Variants in SYNE1 observed in about 807,000 individuals in gnomAD.
SYNE1 encodes the protein nesprin-1.
In SYNE1, 616 loss-of-function variants were observed where a neutral mutation model predicts 1,111.0. The observed-to-expected ratio is 0.55, with a 90% CI of 0.52 to 0.59. SYNE1 has a LOEUF of 0.59. Among genes scored for constraint, SYNE1 ranks in the 20% least tolerant of loss-of-function variants. The pLI is 0.00. For missense variants in SYNE1, 10,006 were observed against 10,417.0 expected, an observed-to-expected ratio of 0.96 and a Z score of 1.72; for synonymous variants, 3,855 against 3,825.8, an observed-to-expected ratio of 1.01 and a Z score of -0.28.
rs528179428 is a variant in SYNE1, at chr6:152,145,475, T to C, written c.24977-1710A>G. Reference sequence around the variant, plus strand: ...GGAGGGAGGGAGGCTGGCTCCGGCTTGTTGTGCCTACCGGAGGTATTTTTG... The same window carrying C: ...GGAGGGAGGGAGGCTGGCTCCGGCTCGTTGTGCCTACCGGAGGTATTTTTG... On this transcript the variant is annotated intron_variant, in intron 137 of 145. Coordinates refer to ENST00000367255, the MANE Select transcript of SYNE1 (RefSeq NM_182961.4). 1.4e-5 allele frequency: 23 copies of C among 1,613,198 alleles called. No individual in the cohort carries two copies. The highest frequency in any genetic ancestry group is 1.9e-5 in the Non-Finnish European group (23 of 1,179,508).
chr6:152,482,134 T>C (rs887476841), intron 14 of SYNE1, among the ~76,000 whole-genome samples: 4 of 152,132 alleles, frequency 2.6e-5, no homozygotes, highest in Non-Finnish European at 5.9e-5. Context: ...TTTGATGAGC[T>C]TGTCTGAGGT....
At chr6:152,410,678 C>T (rs750818170) in intron 42 of SYNE1, among the ~76,000 whole-genome samples, 2 of 152,114 alleles carry the variant, frequency 1.3e-5, no homozygotes, top group East Asian at 1.9e-4. Context: ...TTGCAGTGAG[C>T]CAAGATCACA....
In SYNE1 at chr6:152,358,474, C is replaced by G; in HGVS notation, c.10507G>C (p.Ala3503Pro). Residue 3503 changes from alanine to proline, a missense_variant, in exon 66 of 146, where the codon GCA becomes CCA. Ala to Pro is a conservative substitution (Grantham distance 27). This residue lies in a region of SYNE1 where 4,955 missense variants were observed against 5,017.2 expected (regional missense o/e 0.99). Coordinates refer to ENST00000367255, the MANE Select transcript of SYNE1 (RefSeq NM_182961.4). ...LHQEYQRDLK[A>P]FEVWLGQEQE... ...TCTTGCCCCAACCAAACTTCAAATG[C>G]CTTTAGGTCTCTCTGATACTCTTGG... 1 of 1,614,098 alleles carries G rather than the reference C, an allele frequency of 6.2e-7. No homozygotes were observed. Among genetic ancestry groups the G allele is most frequent in the Non-Finnish European group, 8.5e-7 (1 of 1,180,022 alleles).
intron 93 of SYNE1, among the ~76,000 whole-genome samples, chr6:152,297,112 C>G (rs187860146): frequency 2.0e-4 from 30 of 152,290 alleles, no homozygotes; most frequent in Admixed American, 1.6e-3. Context: ...CATTCAGGGC[C>G]TCCATGATGT....
At position 152,220,841 on chromosome 6, in the gene SYNE1, C is replaced by T. The variant is rs1365448497; in HGVS notation, c.21861+1G>A. 3.1e-6 allele frequency: 5 copies of T among 1,613,198 alleles called. No individual in the cohort carries two copies. Among genetic ancestry groups the T allele is most frequent in the Admixed American group, 1.7e-5 (1 of 60,024 alleles). On this transcript the variant is annotated splice_donor_variant, in intron 119 of 145. Coordinates refer to ENST00000367255, the MANE Select transcript of SYNE1 (RefSeq NM_182961.4). LOFTEE classifies it high-confidence loss of function. ...GAAAACAAGGTAGCTCCTGAACATA[C>T]GTTGCAATCTTGAATCCATGTGGCA...
chr6:152,328,181 C>A (rs549925797), intron 78 of SYNE1, among the ~76,000 whole-genome samples: 2 of 152,164 alleles, frequency 1.3e-5, no homozygotes, highest in South Asian at 4.1e-4. Flanking sequence ...TTCCTGAGAT[C>A]AAATAGCTGC....
chr6:152,573,278 C>T (rs2099475760), intron 3 of SYNE1, among the ~76,000 whole-genome samples: 1 of 151,082 alleles, frequency 6.6e-6, no homozygotes, highest in Non-Finnish European at 1.5e-5. Flanking sequence ...GTGTGCTGCA[C>T]CCATTAACTC....
chr6:152,180,223 T>C lies in SYNE1; in HGVS notation c.23373A>G (p.Glu7791=), dbSNP rs993468538. ...EWAVFSEKNK[E]LCEWLTQMES... Reference sequence around the variant, plus strand: ...CCATTTGAGTCAACCACTCACAGAGTTCCTTGTTCTTTTCACTGAAGACTG... The same window carrying C: ...CCATTTGAGTCAACCACTCACAGAGCTCCTTGTTCTTTTCACTGAAGACTG... The change falls in exon 129 of 146, where the codon GAA becomes GAG. Residue 7791 remains glutamate, a synonymous_variant. Coordinates refer to ENST00000367255, the MANE Select transcript of SYNE1 (RefSeq NM_182961.4). 11 of 1,613,924 alleles carry C rather than the reference T, an allele frequency of 6.8e-6. No homozygotes were observed. The highest frequency in any genetic ancestry group is 6.7e-5 in the East Asian group (3 of 44,874).
chr6:152,600,650 C>G (rs2099593956), intron 3 of SYNE1, among the ~76,000 whole-genome samples: 1 of 152,166 alleles, frequency 6.6e-6, no homozygotes, highest in South Asian at 2.1e-4. Flanking sequence ...AATCATTTAG[C>G]TCCAATTTTC....
intron 75 of SYNE1, 115 bp from the exon 76 acceptor site, chr6:152,337,132 C>G (rs1394815843): frequency 1.1e-6 from 1 of 911,550 alleles, no homozygotes; most frequent in African/African-American, 1.7e-5. Context: ...CACACATACA[C>G]ACGCAAACTC....
rs187293276 is a variant in SYNE1 at position 152,524,421 on chromosome 6, A to T, written c.225+1659T>A. Among the ~76,000 whole-genome samples, 9 of 152,278 alleles carry T rather than the reference A, an allele frequency of 5.9e-5. No homozygotes were observed. In the East Asian group the frequency reaches 1.5e-3, roughly 26 times the overall value. ...TTCTTGAATACCTACATGAATATTCACATAAAGATTCCTTTAACCTTCAAG... is the reference window on the plus strand; with the variant it reads ...TTCTTGAATACCTACATGAATATTCTCATAAAGATTCCTTTAACCTTCAAG... On this transcript the variant is annotated intron_variant, in intron 5 of 145. Transcript: ENST00000367255.
intron 33 of SYNE1, chr6:152,435,633 AT>A: frequency 4.9e-6 from 2 of 404,986 alleles, no homozygotes; most frequent in Non-Finnish European, 8.7e-6. Flanking sequence ...TATTTTAAAT[AT>A]TAGTTCTTTT....
At chr6:152,367,665 C>G in intron 61 of SYNE1, 3 of 429,376 alleles carry the variant, frequency 7.0e-6, no homozygotes, top group Non-Finnish European at 1.3e-5. Context: ...TCCCTAATGC[C>G]TTGTCTGGGA....
chr6:152,444,580 T>C lies in SYNE1; in HGVS notation c.3670-2A>G, dbSNP rs751267172. ...AAAATTGCTTAGCATCTTTTCAACC[T>C]ATATTTTCATGAAAAAAAAAAACAC... On this transcript the variant is annotated splice_acceptor_variant, in intron 29 of 145. Coordinates refer to ENST00000367255, the MANE Select transcript of SYNE1 (RefSeq NM_182961.4). LOFTEE classifies it high-confidence loss of function. The C allele has an allele frequency of 3.7e-6, 6 of 1,607,078 alleles. No homozygotes were observed. Among genetic ancestry groups the C allele is most frequent in the Non-Finnish European group, 5.1e-6 (6 of 1,177,912 alleles).
chr6:152,288,287 T>C (rs1258005724), intron 95 of SYNE1, among the ~76,000 whole-genome samples: 1 of 152,176 alleles, frequency 6.6e-6, no homozygotes, highest in Non-Finnish European at 1.5e-5. Context: ...TTTCAAACTC[T>C]GTCTCCTCAA....
chr6:152,492,931 C>CT (rs1039183748), intron 11 of SYNE1, among the ~76,000 whole-genome samples: 1 of 98,570 alleles, frequency 1.0e-5, no homozygotes, highest in African/African-American at 3.3e-5. Flanking sequence ...TTTTATGCCT[C>CT]TTTTTTAGTT....
intron 3 of SYNE1, among the ~76,000 whole-genome samples, chr6:152,612,568 G>A (rs796769433): frequency 2.6e-5 from 4 of 152,300 alleles, no homozygotes; most frequent in African/African-American, 9.6e-5. Context: ...TCTACCAGAA[G>A]TACAAAGAGG....
rs2097781229 is a variant in SYNE1 at position 152,399,513 on chromosome 6, C to T, written c.7237+103G>A. 7 of 1,384,172 alleles carry T rather than the reference C, an allele frequency of 5.1e-6. No homozygotes were observed. In the South Asian group the frequency reaches 7.0e-5, roughly 14 times the overall value. 85.7% of individuals were successfully genotyped at this position (1,384,172 alleles called of 1,614,324 possible). On this transcript the variant is annotated intron_variant, in intron 48 of 145. Coordinates refer to ENST00000367255, the MANE Select transcript of SYNE1 (RefSeq NM_182961.4). The stretch of plus-strand genomic sequence containing the variant: ...GCACAAACAAATTTGAAATGACACC[C>T]TGGAAAGTTTCCTCAAACTTTTGCT...
chr6:152,201,853 C>G lies in SYNE1; in HGVS notation c.23116G>C (p.Glu7706Gln), dbSNP rs200066979. Reference sequence around the variant, plus strand: ...CAACGCATTTGTTCTGCATGGAGCTCTTCATGGTGATCCGGGAGAGACTGC... The same window carrying G: ...CAACGCATTTGTTCTGCATGGAGCTGTTCATGGTGATCCGGGAGAGACTGC... ...LSQSLPDHHE[E>Q]LHAEQMRCKE... The change falls in exon 127 of 146, where the codon GAG becomes CAG. Residue 7706 changes from glutamate (E) to glutamine (Q), a missense_variant. By Grantham distance (29) the Glu-to-Gln change is conservative. Coordinates refer to ENST00000367255, the MANE Select transcript of SYNE1 (RefSeq NM_182961.4). 32 of 1,613,928 alleles carry G rather than the reference C, an allele frequency of 2.0e-5. No homozygotes were observed. In the East Asian group the frequency reaches 6.9e-4, roughly 35 times the overall value.
Sources: gnomAD v4.1 joint callset for allele counts (sites outside exome capture counted in the v4.1 genomes callset) on GRCh38, gnomAD v4.1.1 for gene constraint, gnomAD v4.1.1 regional missense constraint, MANE v1.5 for transcripts, NCBI Gene and HGNC (gene_info 2026-07-23, HGNC 2026-07-21) for gene names.